The following CEP41 variants were observed in gnomAD, a reference collection of about 807,000 sequenced individuals.
CEP41 encodes the protein centrosomal protein 41.
Under a neutral mutation model 44.3 loss-of-function variants are expected in CEP41, and 32 were observed. That is an observed-to-expected ratio of 0.72 (90% CI 0.54 to 0.97). CEP41 has a LOEUF of 0.97. CEP41 is among the 50% of genes least tolerant of loss of function. The probability of loss-of-function intolerance (pLI) is 0.00; values close to 1 mark genes in which losing one functional copy is unlikely to be tolerated. For missense variants in CEP41, 432 were observed against 455.2 expected, an observed-to-expected ratio of 0.95 and a Z score of 0.46; for synonymous variants, 151 against 168.5, an observed-to-expected ratio of 0.90 and a Z score of 0.80.
chr7:130,420,881 A>T (rs2117644138), intron 2 of CEP41: 1 of 938,428 alleles, frequency 1.1e-6, no homozygotes, highest in East Asian at 1.2e-4. Flanking sequence ...TATAATGCAA[A>T]TACTTCCCAA....
chr7:130,407,026 A>T (rs1435522277), intron 5 of CEP41, among the ~76,000 whole-genome samples: 1 of 151,926 alleles, frequency 6.6e-6, no homozygotes, highest in Non-Finnish European at 1.5e-5. Flanking sequence ...TCCTAAACTG[A>T]ATGTAAATAA....
At position 130,412,177 on chromosome 7, in the gene CEP41, A is replaced by C. The variant is rs782354257; in HGVS notation, c.207+2T>G. Reference sequence around the variant, plus strand: ...CTCCAGTGGAAAAATCAAGAAACTTACCAGCTGGGCAAAAGTTGTAACTTT... The same window carrying C: ...CTCCAGTGGAAAAATCAAGAAACTTCCCAGCTGGGCAAAAGTTGTAACTTT... On this transcript the variant is annotated splice_donor_variant, in intron 4 of 10. Transcript: ENST00000223208. LOFTEE classifies it high-confidence loss of function. 6 of 1,508,390 alleles carry C rather than the reference A, an allele frequency of 4.0e-6. No individual in the cohort carries two copies. Among genetic ancestry groups the C allele is most frequent in the Non-Finnish European group, 3.7e-6 (4 of 1,083,776 alleles). 93.4% of individuals were successfully genotyped at this position (1,508,390 alleles called of 1,614,324 possible).
chr7:130,440,813 T>A (rs1554427438), intron 1 of CEP41, 121 bp downstream of exon 1: 11 of 265,740 alleles, frequency 4.1e-5, no homozygotes, highest in East Asian at 9.6e-5. Context: ...CGACCCCTCC[T>A]CACGCCGGCC....
chr7:130,437,785 A>AG (rs1798017802), intron 1 of CEP41, among the ~76,000 whole-genome samples: 1 of 130,938 alleles, frequency 7.6e-6, no homozygotes, highest in African/African-American at 3.0e-5. Flanking sequence ...AAAAAAAAAA[A>AG]AAAGAAAAAG....
chr7:130,431,854 G>A (rs1255584472), intron 1 of CEP41, among the ~76,000 whole-genome samples: 1 of 152,142 alleles, frequency 6.6e-6, no homozygotes, highest in Non-Finnish European at 1.5e-5. Context: ...AAAAACTTGG[G>A]TTTCATCCTG....
At chr7:130,410,168 G>A (rs1797137053) in intron 5 of CEP41, among the ~76,000 whole-genome samples, 5 of 151,864 alleles carry the variant, frequency 3.3e-5, no homozygotes, top group Admixed American at 2.6e-4. Context: ...TGGGATTACA[G>A]GTGCACACCA....
intron 2 of CEP41, among the ~76,000 whole-genome samples, chr7:130,424,257 G>A (rs925035228): frequency 6.6e-5 from 10 of 151,884 alleles, no homozygotes; most frequent in Non-Finnish European, 1.5e-4. Context: ...AATATTAGCC[G>A]GGCATGGTGG....
At chr7:130,441,554 T>C (rs1798171136), upstream of CEP41, among the ~76,000 whole-genome samples, 1 of 152,252 alleles carries the variant, frequency 6.6e-6, no homozygotes, top group South Asian at 2.1e-4. Context: ...TAATTATCGG[T>C]GCTTTAAAAG....
rs1796776000 is a variant in CEP41, at chr7:130,399,474, T to A, written c.974-435A>T. 3 of 241,980 alleles carry A rather than the reference T, an allele frequency of 1.2e-5. No individual in the cohort carries two copies. In the South Asian group the frequency reaches 1.8e-4, roughly 15 times the overall value. 15.0% of individuals were successfully genotyped at this position (241,980 alleles called of 1,614,324 possible). On this transcript the variant is annotated intron_variant, in intron 10 of 10. Transcript: ENST00000223208. ...AACTTTCCAAGAAGGAATCTGAAGG[T>A]CTGATGCTTAACTCCTCAATTTTAC... is the stretch of plus-strand genomic sequence containing the variant.
At position 130,438,616 on chromosome 7, in the gene CEP41, T is replaced by C. The variant is rs1584913292; in HGVS notation, c.33+2318A>G. On this transcript the variant is annotated intron_variant, in intron 1 of 10. Coordinates refer to ENST00000223208, the MANE Select transcript of CEP41 (RefSeq NM_018718.3). ...ACTTAACCAATCTCATTTCCAGTCC[T>C]GGAGCCTCCTCAAACCCATCTTCCA... 4.6e-5 allele frequency among the ~76,000 whole-genome samples: 7 copies of C among 152,254 alleles called. 1 individual carries two copies. In the South Asian group the frequency reaches 1.5e-3, roughly 32 times the overall value.
chr7:130,441,257 G>C (rs938353973), upstream of CEP41: 3 of 532,460 alleles, frequency 5.6e-6, no homozygotes, highest in South Asian at 1.9e-5. Flanking sequence ...AGAGAGGCGC[G>C]GGGGGAGGGG....
rs782742227 is a variant in CEP41, at chr7:130,397,550, T to G, written c.*1341A>C. Reference sequence around the variant, plus strand: ...TTTTTTTTTGGTGGCGAGAAAATAGTACTGTTAAGGCAAATCTTACCCCGT... The same window carrying G: ...TTTTTTTTTGGTGGCGAGAAAATAGGACTGTTAAGGCAAATCTTACCCCGT... On this transcript the variant is annotated 3_prime_UTR_variant, in exon 11 of 11. Coordinates refer to ENST00000223208, the MANE Select transcript of CEP41 (RefSeq NM_018718.3). The G allele has an allele frequency of 1.9e-4, 82 of 425,770 alleles. No individual in the cohort carries two copies. In the Middle Eastern group the frequency reaches 2.2e-3, roughly 12 times the overall value. 26.4% of individuals were successfully genotyped at this position (425,770 alleles called of 1,614,324 possible).
chr7:130,424,900 G>C (rs1797616572), intron 2 of CEP41, among the ~76,000 whole-genome samples: 1 of 152,168 alleles, frequency 6.6e-6, no homozygotes, highest in Non-Finnish European at 1.5e-5. Context: ...ACCCTGTTAA[G>C]AGGATGAAAA....
chr7:130,393,866 C>T lies in CEP41; in HGVS notation c.*5025G>A, dbSNP rs143324350. 4.7e-4 allele frequency: 214 copies of T among 454,088 alleles called. No individual in the cohort carries two copies. The highest frequency in any genetic ancestry group is 4.0e-3 in the African/African-American group (198 of 50,112). 28.1% of individuals were successfully genotyped at this position (454,088 alleles called of 1,614,324 possible). A position where few individuals can be genotyped will look rare whatever the true frequency, so the allele number is the denominator to read the frequency against. The stretch of plus-strand genomic sequence containing the variant: ...AATATAATTAAAAGTTTGTAATTCT[C>T]ATTCCTTAAGTGGTACTTTGCAAGG... On this transcript the variant is annotated 3_prime_UTR_variant, in exon 11 of 11. Transcript: ENST00000223208.
chr7:130,428,428 CAAAAAAAAAAAAA>C (rs67847969), intron 1 of CEP41, among the ~76,000 whole-genome samples: 2 of 38,084 alleles, frequency 5.3e-5, no homozygotes, highest in African/African-American at 2.2e-4. Context: ...GACTCTGACT[CAAAAAAAAAAAAA>C]AAAAAAAAAA....
rs1796853046 is a variant in CEP41 at position 130,401,845 on chromosome 7, A to C, written c.642+36T>G. 2.2e-6 allele frequency: 3 copies of C among 1,367,750 alleles called. No individual in the cohort carries two copies. The African/African-American group carries it at 4.3e-5, about 20-fold the overall frequency. 84.7% of individuals were successfully genotyped at this position (1,367,750 alleles called of 1,614,324 possible). On this transcript the variant is annotated intron_variant, in intron 8 of 10. Transcript: ENST00000223208. The stretch of plus-strand genomic sequence containing the variant: ...GATAACTTTGATTCTTACAATCCTC[A>C]TACCACCCAATTCCTTAAAATGCAA...
intron 5 of CEP41, among the ~76,000 whole-genome samples, chr7:130,405,059 C>T (rs1011384849): frequency 6.6e-6 from 1 of 152,204 alleles, no homozygotes; most frequent in African/African-American, 2.4e-5. Flanking sequence ...TATTCACCAT[C>T]ACGCATGCAT....
At chr7:130,438,853 G>A (rs1298246982) in intron 1 of CEP41, among the ~76,000 whole-genome samples, 2 of 151,938 alleles carry the variant, frequency 1.3e-5, no homozygotes, top group African/African-American at 4.8e-5. Context: ...ACATTTATGG[G>A]GTACAATTTG....
chr7:130,395,973 C>T lies in CEP41; in HGVS notation c.*2918G>A. The T allele has an allele frequency of 2.2e-6, 1 of 453,896 alleles. No homozygotes were observed. Among genetic ancestry groups the T allele is most frequent in the South Asian group, 1.6e-5 (1 of 64,438 alleles). The allele number at this position is 453,896 out of a possible 1,614,324, so 28.1% of individuals were successfully genotyped here. On this transcript the variant is annotated 3_prime_UTR_variant, in exon 11 of 11. Transcript: ENST00000223208. Reference sequence around the variant, plus strand: ...GAGATTGAGCCTGACATTATTACAGCCCAGGGTGTTCCTTTTGTTTTCAAA... The same window carrying T: ...GAGATTGAGCCTGACATTATTACAGTCCAGGGTGTTCCTTTTGTTTTCAAA...
Sources: allele counts gnomAD v4.1 joint callset (sites outside exome capture counted in the v4.1 genomes callset), GRCh38; gene constraint gnomAD v4.1.1; transcripts MANE v1.5; gene names NCBI Gene and HGNC (gene_info 2026-07-23, HGNC 2026-07-21).